OR51B5: variants seen among roughly 807,000 people sequenced by gnomAD.
OR51B5 encodes the protein olfactory receptor family 51 subfamily B member 5, also known as olfactory receptor 51B5.
For missense variants in OR51B5, 456 were observed against 374.6 expected, an observed-to-expected ratio of 1.22 and a Z score of -1.79; for synonymous variants, 186 against 144.8, an observed-to-expected ratio of 1.28 and a Z score of -2.04.
At chr11:5,414,298 G>T (rs1273495798) in intron 1 of OR51B5, among the ~76,000 whole-genome samples, 1 of 149,254 alleles carries the variant, frequency 6.7e-6, no homozygotes, top group Non-Finnish European at 1.5e-5. Context: ...AACATGGAAA[G>T]GAACAACCGG....
At chr11:5,352,520 T>A in intron 1 of OR51B5, 2 of 894,804 alleles carry the variant, frequency 2.2e-6, no homozygotes, top group Non-Finnish European at 3.5e-6. Context: ...CATAAGTAAC[T>A]AGGGAAAGTC....
At chr11:5,467,455 A>G (rs1190458618) in intron 1 of OR51B5, among the ~76,000 whole-genome samples, 1 of 152,220 alleles carries the variant, frequency 6.6e-6, no homozygotes, top group Non-Finnish European at 1.5e-5. Flanking sequence ...TTTAAAAAGT[A>G]ATTTTCTTCT....
chr11:5,452,672 G>A (rs1038122133), intron 1 of OR51B5, among the ~76,000 whole-genome samples: 7 of 151,946 alleles, frequency 4.6e-5, no homozygotes, highest in Non-Finnish European at 1.0e-4. Context: ...CTGTTGTGAA[G>A]GTACATTAAT....
chr11:5,499,628 C>T (rs1004490878), intron 1 of OR51B5, among the ~76,000 whole-genome samples: 3 of 152,182 alleles, frequency 2.0e-5, no homozygotes, highest in Admixed American at 6.5e-5. Context: ...TTCTTAAAGG[C>T]CACTATCCTC....
chr11:5,362,779 C>A, intron 1 of OR51B5: 1 of 224,056 alleles, frequency 4.5e-6, no homozygotes. Flanking sequence ...AAGAGTATCT[C>A]CTTGGTGGCC....
intron 1 of OR51B5, chr11:5,440,804 G>A (rs779017491): frequency 1.2e-6 from 2 of 1,613,898 alleles, no homozygotes; most frequent in Non-Finnish European, 1.7e-6. Flanking sequence ...TGAGTGCCTT[G>A]AGCCGCTGTT....
intron 1 of OR51B5, among the ~76,000 whole-genome samples, chr11:5,492,795 T>G (rs1228361840): frequency 6.6e-6 from 1 of 152,080 alleles, no homozygotes; most frequent in Non-Finnish European, 1.5e-5. Context: ...TCCCACTACA[T>G]GGCTAATTTT....
intron 1 of OR51B5, among the ~76,000 whole-genome samples, chr11:5,374,707 G>A (rs546393839): frequency 8.0e-4 from 122 of 152,304 alleles, no homozygotes; most frequent in African/African-American, 2.9e-3. Context: ...AGGAGCTGAT[G>A]CGATCAACTG....
chr11:5,409,665 T>TATTTTAA (rs1401294194), intron 1 of OR51B5, among the ~76,000 whole-genome samples: 2 of 151,964 alleles, frequency 1.3e-5, no homozygotes, highest in Non-Finnish European at 2.9e-5. Context: ...AGACGTGAAA[T>TATTTTAA]ACATGTAGGA....
At chr11:5,368,154 A>C (rs1849399717) in intron 1 of OR51B5, among the ~76,000 whole-genome samples, 1 of 152,194 alleles carries the variant, frequency 6.6e-6, no homozygotes, top group Admixed American at 6.5e-5. Context: ...TAACTTAACT[A>C]TGAACCAGCA....
chr11:5,488,265 G>A (rs1295018259), intron 1 of OR51B5, among the ~76,000 whole-genome samples: 1 of 152,156 alleles, frequency 6.6e-6, no homozygotes, highest in Non-Finnish European at 1.5e-5. Flanking sequence ...CCTCTGGGAA[G>A]CAGGGAAACT....
At chr11:5,464,257 C>A (rs576321683) in intron 1 of OR51B5, among the ~76,000 whole-genome samples, 2 of 152,292 alleles carry the variant, frequency 1.3e-5, no homozygotes, top group South Asian at 4.1e-4. Context: ...GTGATTTTAA[C>A]ACAAAAATCT....
chr11:5,438,078 A>G (rs1303734280), intron 1 of OR51B5, among the ~76,000 whole-genome samples: 1 of 152,166 alleles, frequency 6.6e-6, no homozygotes, highest in African/African-American at 2.4e-5. Context: ...GATGAAATTC[A>G]GGAGTAATCA....
chr11:5,482,786 G>T (rs1268048420), intron 1 of OR51B5, among the ~76,000 whole-genome samples: 1 of 67,618 alleles, frequency 1.5e-5, no homozygotes, highest in Non-Finnish European at 2.9e-5. Context: ...TCAGAGAAAT[G>T]CAAATCAAAA....
At chr11:5,453,780 C>T (rs1564818391) in intron 1 of OR51B5, 2 of 1,614,050 alleles carry the variant, frequency 1.2e-6, no homozygotes, top group Admixed American at 3.3e-5. Flanking sequence ...TGATGCCTGT[C>T]TAATTCAGAT....
intron 1 of OR51B5, among the ~76,000 whole-genome samples, chr11:5,458,148 G>A (rs1320831176): frequency 6.6e-6 from 1 of 152,160 alleles, no homozygotes; most frequent in Non-Finnish European, 1.5e-5. Context: ...TTTTGTGTAT[G>A]ATGAAAGGAA....
chr11:5,455,584 A>AAAGAGAGAGGAGAGAGAGAAAGAGG (rs1850942541), intron 1 of OR51B5: 2 of 150,426 alleles, frequency 1.3e-5, no homozygotes, highest in African/African-American at 2.5e-5. Context: ...AGAGAAAGAG[A>AAAGAGAGAGGAGAGAGAGAAAGAGG]AAGAGAGAAA....
intron 1 of OR51B5, among the ~76,000 whole-genome samples, chr11:5,425,073 C>A (rs1056240512): frequency 1.5e-5 from 2 of 133,280 alleles, no homozygotes; most frequent in African/African-American, 5.5e-5. Flanking sequence ...TTTATTTTTT[C>A]TCTGCTAGAG....
chr11:5,376,585 G>C (rs1849532318), intron 1 of OR51B5, among the ~76,000 whole-genome samples: 1 of 152,012 alleles, frequency 6.6e-6, no homozygotes, highest in Admixed American at 6.5e-5. Flanking sequence ...TAAGAAAAGA[G>C]AGAAGAATCA....
Sources: gnomAD v4.1 joint callset for allele counts (sites outside exome capture counted in the v4.1 genomes callset) on GRCh38, gnomAD v4.1.1 for gene constraint, MANE v1.5 for transcripts, NCBI Gene and HGNC (gene_info 2026-07-23, HGNC 2026-07-21) for gene names.